PIP5K1B: variants seen among roughly 807,000 people sequenced by gnomAD.
PIP5K1B encodes phosphatidylinositol 4-phosphate 5-kinase type-1 beta.
PIP5K1B carries 42 observed loss-of-function variants against 67.0 expected under a neutral mutation model. The observed-to-expected ratio is 0.63, with a 90% CI of 0.49 to 0.81. The LOEUF (loss-of-function observed/expected upper bound fraction) is 0.81, where lower values mean the gene tolerates loss of function less well. Ranked by LOEUF, PIP5K1B falls within the 30% of genes least tolerant of loss-of-function variation. The probability of loss-of-function intolerance (pLI) is 0.00; values close to 1 mark genes in which losing one functional copy is unlikely to be tolerated. For synonymous variants in PIP5K1B, 214 were observed against 231.4 expected, an observed-to-expected ratio of 0.92 and a Z score of 0.68; for missense variants, 459 against 646.3, an observed-to-expected ratio of 0.71 and a Z score of 3.14.
chr9:68,977,147 G>C (rs914559877), intron 14 of PIP5K1B, among the ~76,000 whole-genome samples: 1 of 152,220 alleles, frequency 6.6e-6, no homozygotes, highest in Non-Finnish European at 1.5e-5. Context: ...TAATTATAAT[G>C]TTAGACTCTG....
rs538234464 is a variant in PIP5K1B, at chr9:68,950,893, C to A, written c.1502+10103C>A. Among the ~76,000 whole-genome samples, 10 of 152,262 alleles carry A rather than the reference C, an allele frequency of 6.6e-5. No homozygotes were observed. In the East Asian group the frequency reaches 1.5e-3, roughly 24 times the overall value. On this transcript the variant is annotated intron_variant, in intron 14 of 15. Transcript: ENST00000265382. ...TTGATTTGGGAGGGAAGGAATTTCA[C>A]TGGGGAAGTCCACTAACATAAACCT...
chr9:68,942,245 G>A (rs1246618603), intron 14 of PIP5K1B, among the ~76,000 whole-genome samples: 2 of 152,112 alleles, frequency 1.3e-5, no homozygotes, highest in African/African-American at 4.8e-5. Context: ...AAGTTCTTTT[G>A]CTCTCAAATA....
chr9:68,946,323 G>A (rs923623810), intron 14 of PIP5K1B, among the ~76,000 whole-genome samples: 2 of 152,120 alleles, frequency 1.3e-5, no homozygotes, highest in African/African-American at 2.4e-5. Flanking sequence ...ACAGCCCCTA[G>A]TAGGATGATG....
rs1587316083 is a variant in PIP5K1B at position 68,705,758 on chromosome 9, G to C, written c.-247G>C. Reference sequence around the variant, plus strand: ...GCGGAGGCACCCGAATGCTGCCCGGGTGAGGTAAGTTTCCTGTGCGTCCCC... The same window carrying C: ...GCGGAGGCACCCGAATGCTGCCCGGCTGAGGTAAGTTTCCTGTGCGTCCCC... On this transcript the variant is annotated 5_prime_UTR_variant, in exon 1 of 16. Transcript: ENST00000265382. 1 of 151,820 alleles carries C rather than the reference G, an allele frequency of 6.6e-6. No individual in the cohort carries two copies. The highest frequency in any genetic ancestry group is 2.4e-5 in the African/African-American group (1 of 41,212). The allele number at this position is 151,820 out of a possible 1,614,324, so 9.4% of individuals were successfully genotyped here.
rs149706468 is a variant in PIP5K1B, at chr9:68,824,694, G to T, written c.69+2011G>T. Among the ~76,000 whole-genome samples the T allele has an allele frequency of 3.5e-3, 527 of 152,298 alleles. 1 individual carries two copies. Among genetic ancestry groups the T allele is most frequent in the African/African-American group, 0.012 (484 of 41,552 alleles). ...TTCAGCCCTTAATAAATATGGTATTGATATGAATAGCAAGAAGAAGGAATC... is the reference window on the plus strand; with the variant it reads ...TTCAGCCCTTAATAAATATGGTATTTATATGAATAGCAAGAAGAAGGAATC... On this transcript the variant is annotated intron_variant, in intron 4 of 15. Transcript: ENST00000265382.
intron 14 of PIP5K1B, among the ~76,000 whole-genome samples, chr9:68,967,384 C>T (rs1829094332): frequency 6.6e-6 from 1 of 152,092 alleles, no homozygotes; most frequent in South Asian, 2.1e-4. Flanking sequence ...CAGGCTGGGT[C>T]CTCAAATATT....
intron 14 of PIP5K1B, among the ~76,000 whole-genome samples, chr9:68,973,725 T>C (rs530260729): frequency 1.3e-5 from 2 of 152,328 alleles, no homozygotes; most frequent in East Asian, 1.9e-4. Flanking sequence ...ATATCTGACC[T>C]AAGGGTGGAA....
At chr9:68,935,690 G>A (rs754329155) in intron 13 of PIP5K1B, among the ~76,000 whole-genome samples, 3 of 152,092 alleles carry the variant, frequency 2.0e-5, no homozygotes, top group East Asian at 3.9e-4. Flanking sequence ...ACATATGCAC[G>A]AGTACACATA....
At chr9:68,845,617 TG>T (rs1822149199) in intron 4 of PIP5K1B, among the ~76,000 whole-genome samples, 1 of 152,066 alleles carries the variant, frequency 6.6e-6, no homozygotes, top group African/African-American at 2.4e-5. Context: ...TGCAGGCAGG[TG>T]GGAGAAGCTG....
intron 2 of PIP5K1B, chr9:68,780,848 C>T (rs1831223674): frequency 3.7e-6 from 6 of 1,614,228 alleles, no homozygotes; most frequent in Non-Finnish European, 4.2e-6. Flanking sequence ...TTTCTTCTGA[C>T]GTTGCACAGC....
At chr9:68,808,678 T>C (rs1192923775) in intron 2 of PIP5K1B, among the ~76,000 whole-genome samples, 1 of 152,248 alleles carries the variant, frequency 6.6e-6, no homozygotes, top group African/African-American at 2.4e-5. Flanking sequence ...AGTGGTTCAT[T>C]TGATGCTGAT....
chr9:68,768,342 C>G (rs1229086777), intron 2 of PIP5K1B, among the ~76,000 whole-genome samples: 3 of 152,214 alleles, frequency 2.0e-5, no homozygotes, highest in Non-Finnish European at 4.4e-5. Context: ...CCAGGCCCTA[C>G]ACTAAGTGCT....
At chr9:68,800,568 G>A (rs1008208076) in intron 2 of PIP5K1B, among the ~76,000 whole-genome samples, 13 of 152,168 alleles carry the variant, frequency 8.5e-5, no homozygotes, top group South Asian at 2.1e-4. Flanking sequence ...AGAGGATGTC[G>A]GGCCTTTATG....
chr9:68,971,938 C>G (rs1448271624), intron 14 of PIP5K1B, among the ~76,000 whole-genome samples: 2 of 152,100 alleles, frequency 1.3e-5, no homozygotes, highest in Admixed American at 6.6e-5. Context: ...CTGTAGGTTG[C>G]CTGTTCACTC....
At chr9:68,859,809 TCA>T (rs781734887) in intron 4 of PIP5K1B, among the ~76,000 whole-genome samples, 7 of 152,236 alleles carry the variant, frequency 4.6e-5, no homozygotes, top group Admixed American at 1.3e-4. Context: ...AGGTAGTGTT[TCA>T]CAGTGTTTTT....
In PIP5K1B at chr9:68,894,356, A is replaced by G; in HGVS notation, c.489A>G (p.Pro163=). 8.1e-6 allele frequency: 13 copies of G among 1,602,874 alleles called. No homozygotes were observed. The highest frequency in any genetic ancestry group is 1.1e-5 in the Non-Finnish European group (13 of 1,173,744). ...PGYYMNLNQN[P]RTLLPKFYGL... ...GTTTCTAGAATTTAAACCAGAATCCAAGGACTCTTTTGCCAAAATTTTACG... is the reference window on the plus strand; with the variant it reads ...GTTTCTAGAATTTAAACCAGAATCCGAGGACTCTTTTGCCAAAATTTTACG... The change falls in exon 8 of 16, where the codon CCA becomes CCG. Residue 163 remains proline (P), a synonymous_variant. Coordinates refer to ENST00000265382, the MANE Select transcript of PIP5K1B (RefSeq NM_003558.4).
intron 14 of PIP5K1B, among the ~76,000 whole-genome samples, chr9:68,988,710 C>G (rs1407246920): frequency 1.3e-5 from 2 of 152,080 alleles, no homozygotes; most frequent in African/African-American, 4.8e-5. Flanking sequence ...CTTGGCCTCC[C>G]AAAGTGCTGG....
intron 2 of PIP5K1B, among the ~76,000 whole-genome samples, chr9:68,760,583 C>T (rs1289261367): frequency 6.6e-6 from 1 of 152,024 alleles, no homozygotes; most frequent in Non-Finnish European, 1.5e-5. Context: ...GAGTGAGAGA[C>T]AAACCATGAA....
At chr9:68,977,080 G>A (rs1486017690) in intron 14 of PIP5K1B, among the ~76,000 whole-genome samples, 5 of 152,158 alleles carry the variant, frequency 3.3e-5, no homozygotes, top group Admixed American at 6.5e-5. Flanking sequence ...TCACCTCTGG[G>A]ATCTACCTAA....
Sources: gnomAD v4.1 joint callset for allele counts (sites outside exome capture counted in the v4.1 genomes callset) on GRCh38, gnomAD v4.1.1 for gene constraint, MANE v1.5 for transcripts, NCBI Gene and HGNC (gene_info 2026-07-23, HGNC 2026-07-21) for gene names.